NRG1: variants seen among roughly 807,000 people sequenced by gnomAD.
The protein encoded by NRG1 is neuregulin 1, also known as pro-neuregulin-1, membrane-bound isoform.
NRG1 carries 18 observed loss-of-function variants against 63.8 expected under a neutral mutation model. That is an observed-to-expected ratio of 0.28 (90% confidence interval 0.19 to 0.42). The LOEUF (loss-of-function observed/expected upper bound fraction) is 0.42. NRG1 is among the 10% of genes least tolerant of loss of function. The pLI is 1.00. For synonymous variants in NRG1, 302 were observed against 301.3 expected, an observed-to-expected ratio of 1.00 and a Z score of -0.02; for missense variants, 762 against 814.7, an observed-to-expected ratio of 0.94 and a Z score of 0.79.
chr8:31,870,480 G>A (rs1829378892), intron 1 of NRG1, among the ~76,000 whole-genome samples: 1 of 152,076 alleles, frequency 6.6e-6, no homozygotes, highest in Non-Finnish European at 1.5e-5. Flanking sequence ...TGTTGGTCTT[G>A]AAGAAAAATG....
At chr8:32,695,722 A>G (rs1216229404) in intron 5 of NRG1, among the ~76,000 whole-genome samples, 1 of 152,236 alleles carries the variant, frequency 6.6e-6, no homozygotes, top group East Asian at 1.9e-4. Flanking sequence ...GCACATGGTC[A>G]GAACGACCTT....
chr8:32,034,567 C>T (rs1182631583), intron 1 of NRG1, among the ~76,000 whole-genome samples: 1 of 152,124 alleles, frequency 6.6e-6, no homozygotes, highest in Non-Finnish European at 1.5e-5. Flanking sequence ...AGCTGTAGAC[C>T]AGTCTATTCC....
intron 1 of NRG1, among the ~76,000 whole-genome samples, chr8:32,143,578 A>C (rs1836534690): frequency 6.6e-6 from 1 of 152,182 alleles, no homozygotes; most frequent in East Asian, 1.9e-4. Context: ...TATGTTCTTC[A>C]TCAAATGCTG....
At chr8:31,951,855 A>G (rs1803518775) in intron 1 of NRG1, among the ~76,000 whole-genome samples, 1 of 152,200 alleles carries the variant, frequency 6.6e-6, no homozygotes, top group South Asian at 2.1e-4. Flanking sequence ...ACATAAAACT[A>G]AATCTTATGG....
chr8:31,776,653 A>T (rs1332668735), intron 1 of NRG1, among the ~76,000 whole-genome samples: 1 of 152,048 alleles, frequency 6.6e-6, no homozygotes, highest in Non-Finnish European at 1.5e-5. Flanking sequence ...CTTGTCATTT[A>T]GCATTAGGTA....
At chr8:32,481,378 T>C (rs767641171) in intron 1 of NRG1, among the ~76,000 whole-genome samples, 22 of 152,002 alleles carry the variant, frequency 1.4e-4, no homozygotes, top group Non-Finnish European at 2.6e-4. Context: ...ATAAAGGTTG[T>C]GTTAGAACAA....
At chr8:32,637,033 A>G (rs1057246163) in intron 5 of NRG1, among the ~76,000 whole-genome samples, 1 of 152,162 alleles carries the variant, frequency 6.6e-6, no homozygotes, top group Admixed American at 6.5e-5. Flanking sequence ...TAGTATATCA[A>G]GATAGGCTCC....
chr8:32,347,093 T>A (rs531100294), intron 1 of NRG1, among the ~76,000 whole-genome samples: 1 of 152,262 alleles, frequency 6.6e-6, no homozygotes, highest in East Asian at 1.9e-4. Context: ...CCTTCTAAAG[T>A]GCTGGGATTA....
chr8:32,077,942 A>G (rs1266624557), intron 1 of NRG1, among the ~76,000 whole-genome samples: 1 of 152,166 alleles, frequency 6.6e-6, no homozygotes, highest in Non-Finnish European at 1.5e-5. Context: ...ACAGGAAGCA[A>G]TCATGTAGTT....
At chr8:32,099,372 C>A (rs967190534) in intron 1 of NRG1, 1 of 152,512 alleles carries the variant, frequency 6.6e-6, no homozygotes, top group Admixed American at 6.5e-5. Context: ...CTGCTCCCAA[C>A]AACCTGACTC....
intron 1 of NRG1, among the ~76,000 whole-genome samples, chr8:31,951,327 G>T (rs1803428009): frequency 6.6e-6 from 1 of 152,132 alleles, no homozygotes; most frequent in South Asian, 2.1e-4. Context: ...CAGTGGGGTG[G>T]TTCAGCTGCA....
intron 1 of NRG1, among the ~76,000 whole-genome samples, chr8:32,512,835 T>G (rs2129501899): frequency 6.6e-6 from 1 of 152,338 alleles, no homozygotes; most frequent in East Asian, 1.9e-4. Context: ...AATTTGTTTA[T>G]AATAAGGATA....
Position 31,995,032 on chromosome 8 carries a change from T to C in NRG1, c.37+355601T>C, listed in dbSNP as rs539618428. On this transcript the variant is annotated intron_variant, in intron 1 of 10. Coordinates refer to the NRG1 transcript ENST00000519301. ...AATGTCAAAGCAACAGATTCTCTAATAACATCTTTTGTTTTTCTAAAGTTT... is the reference window on the plus strand; with the variant it reads ...AATGTCAAAGCAACAGATTCTCTAACAACATCTTTTGTTTTTCTAAAGTTT... Among the ~76,000 whole-genome samples the C allele has an allele frequency of 1.1e-3, 165 of 152,130 alleles. 1 individual carries two copies. Among genetic ancestry groups the C allele is most frequent in the Non-Finnish European group, 1.9e-3 (126 of 67,938 alleles).
intron 1 of NRG1, among the ~76,000 whole-genome samples, chr8:32,371,675 C>A (rs1445072754): frequency 6.6e-6 from 1 of 152,118 alleles, no homozygotes. Context: ...TGGAACTTGT[C>A]CTTTGCCTTC....
chr8:32,548,209 C>A (rs1197685480), upstream of NRG1: 9 of 982,340 alleles, frequency 9.2e-6, no homozygotes, highest in Non-Finnish European at 1.1e-5. Flanking sequence ...AGGGAGGGGG[C>A]GAGGCCAGGG....
chr8:32,105,921 CA>C (rs1831199010), intron 1 of NRG1, among the ~76,000 whole-genome samples: 1 of 152,064 alleles, frequency 6.6e-6, no homozygotes, highest in African/African-American at 2.4e-5. Context: ...CTGTTCCACC[CA>C]GGGTTTCTTT....
rs34252278 is a variant in NRG1 at position 32,653,957 on chromosome 8, C to CGT, written c.502+37093_502+37094dup. On this transcript the variant is annotated intron_variant, in intron 5 of 11. Transcript: ENST00000356819. ...TGCAGTGAATTTTATCGTGTGTATG[C>CGT]GTGTGTGTGTGTGTGTGTGTGTAGA... Among the ~76,000 whole-genome samples, 1,475 of 148,750 alleles carry CGT rather than the reference C, an allele frequency of 9.9e-3. 10 individuals carry two copies. The highest frequency in any genetic ancestry group is 0.044 in the South Asian group (205 of 4,696).
intron 1 of NRG1, among the ~76,000 whole-genome samples, chr8:32,128,784 A>G (rs979804877): frequency 2.0e-5 from 3 of 151,956 alleles, no homozygotes; most frequent in Admixed American, 2.0e-4. Flanking sequence ...CAATTCCTTA[A>G]GAAACTGTCA....
At chr8:32,544,218 A>G (rs1421834726), upstream of NRG1, among the ~76,000 whole-genome samples, 2 of 152,106 alleles carry the variant, frequency 1.3e-5, no homozygotes, top group East Asian at 3.8e-4. Flanking sequence ...AAGCTAAGGA[A>G]GCTTACTCTT....
Sources: gnomAD v4.1 joint callset for allele counts (sites outside exome capture counted in the v4.1 genomes callset) on GRCh38, gnomAD v4.1.1 for gene constraint, MANE v1.5 for transcripts, NCBI Gene and HGNC (gene_info 2026-07-23, HGNC 2026-07-21) for gene names.